Variants in COL4A5 observed in about 807,000 individuals in gnomAD.
The protein encoded by COL4A5 is collagen alpha-5(IV) chain.
In COL4A5, 26 loss-of-function variants were observed where a neutral mutation model predicts 130.2. The ratio of observed to expected loss-of-function variants is 0.20; its 90% confidence interval spans 0.15 to 0.28. COL4A5 has a LOEUF of 0.28. COL4A5 is among the 10% of genes least tolerant of loss of function. COL4A5 has a pLI of 1.00. For synonymous variants in COL4A5, 496 were observed against 439.6 expected (o/e 1.13, Z -1.60); for missense variants, 1,131 against 1,344.3 (o/e 0.84, Z 2.48).
intron 36 of COL4A5, among the ~76,000 whole-genome samples, chrX:108,649,724 G>C (rs1385901976): frequency 9.0e-6 from 1 of 111,525 alleles, no homozygotes. Flanking sequence ...AATGAAACTG[G>C]ATTCTCATCT....
chrX:108,473,193 T>C (rs951953798), intron 1 of COL4A5, among the ~76,000 whole-genome samples: 12 of 111,922 alleles, frequency 1.1e-4, no homozygotes, highest in Admixed American at 1.9e-4. Context: ...GTATGTAATA[T>C]AATAAGTCAC....
In COL4A5 at chrX:108,692,810, A is replaced by G; in HGVS notation, c.4591A>G (p.Asn1531Asp). 1.7e-6 allele frequency: 2 copies of G among 1,210,503 alleles called. No individual in the cohort carries two copies. Among genetic ancestry groups the G allele is most frequent in the Non-Finnish European group, 2.2e-6 (2 of 894,660 alleles). The change falls in exon 50 of 53, where the codon AAT (asparagine) becomes GAT (aspartate). Residue 1531 changes from asparagine (N) to aspartate (D), a missense_variant. Physicochemically the swap from Asn to Asp is conservative, Grantham distance 23 (BLOSUM62 1). Coordinates refer to ENST00000328300, the MANE Select transcript of COL4A5 (RefSeq NM_033380.3). ...GCCTTTCATGTTCTGCAACATCAAT[A>G]ATGTTTGCAACTTTGCTTCAAGAAA... ...TMPFMFCNIN[N>D]VCNFASRNDY...
chrX:108,685,063 C>G (rs770689683), intron 47 of COL4A5, among the ~76,000 whole-genome samples: 25 of 111,952 alleles, frequency 2.2e-4, no homozygotes, highest in Admixed American at 8.5e-4. Flanking sequence ...GCCCTTCATG[C>G]TAAAAACTCT....
intron 37 of COL4A5, among the ~76,000 whole-genome samples, chrX:108,663,874 C>A (rs1052737293): frequency 3.5e-4 from 39 of 111,624 alleles, no homozygotes; most frequent in African/African-American, 1.2e-3. Context: ...ATGAAAGGGA[C>A]ATAGAATATC....
At chrX:108,695,935 A>G (rs928191274) in intron 52 of COL4A5, 10 of 225,552 alleles carry the variant, frequency 4.4e-5, no homozygotes, top group African/African-American at 2.6e-4. Flanking sequence ...GGTTATCACT[A>G]CTTGGTATTT....
intron 1 of COL4A5, among the ~76,000 whole-genome samples, chrX:108,452,798 G>C (rs12688997): frequency 0.1 from 11,526 of 110,955 alleles, 1,297 homozygotes; most frequent in African/African-American, 0.34. Context: ...TCGTCTTTTC[G>C]TAACTGAATA....
intron 36 of COL4A5, chrX:108,626,654 T>G: frequency 9.8e-7 from 1 of 1,020,717 alleles, no homozygotes. Flanking sequence ...CCCTTTTTAG[T>G]GATGGAGTTG....
At chrX:108,609,846 G>T (rs1352824003) in intron 29 of COL4A5, among the ~76,000 whole-genome samples, 1 of 109,836 alleles carries the variant, frequency 9.1e-6, no homozygotes, top group Non-Finnish European at 1.9e-5. Flanking sequence ...ATCTACTTCT[G>T]TGCTGTCAAT....
rs768853174 is a variant in COL4A5, at chrX:108,444,313, G to A, written c.81+4107G>A. Among the ~76,000 whole-genome samples, 478 of 108,175 alleles carry A rather than the reference G, an allele frequency of 4.4e-3. 5 individuals are homozygous for A. The highest frequency in any genetic ancestry group is 0.015 in the African/African-American group (443 of 29,706). 93.9% of individuals were successfully genotyped at this position (108,175 alleles called of 115,157 possible). A position where few individuals can be genotyped will look rare whatever the true frequency, so the allele number is the denominator to read the frequency against. On this transcript the variant is annotated intron_variant, in intron 1 of 52. Coordinates refer to ENST00000328300, the MANE Select transcript of COL4A5 (RefSeq NM_033380.3). The stretch of plus-strand genomic sequence containing the variant: ...CGGCTCACTGCAAGCTCTGCCTCCC[G>A]GGTTCACACCATTCTCCTGCCTCAG...
chrX:108,574,519 T>A (rs1340624620), intron 9 of COL4A5, among the ~76,000 whole-genome samples: 1 of 111,937 alleles, frequency 8.9e-6, no homozygotes, highest in African/African-American at 3.2e-5. Flanking sequence ...CAAATCCTTC[T>A]GCATTCCCCC....
chrX:108,622,191 C>T (rs1014170090), intron 32 of COL4A5, among the ~76,000 whole-genome samples: 5 of 112,299 alleles, frequency 4.5e-5, no homozygotes, highest in Non-Finnish European at 9.4e-5. Flanking sequence ...TGCAATGGTG[C>T]GATCTCAGCT....
chrX:108,538,993 T>C (rs2065495194), intron 1 of COL4A5, among the ~76,000 whole-genome samples: 2 of 111,402 alleles, frequency 1.8e-5, no homozygotes, highest in Admixed American at 1.9e-4. Flanking sequence ...TGAGCTATTA[T>C]TAGTGATGAA....
chrX:108,695,864 T>C, intron 52 of COL4A5: 1 of 220,633 alleles, frequency 4.5e-6, no homozygotes, highest in Non-Finnish European at 8.2e-6. Flanking sequence ...TGTATGTACC[T>C]CAGGATACTT....
chrX:108,688,965 A>G (rs908915654), intron 49 of COL4A5, among the ~76,000 whole-genome samples: 6 of 111,776 alleles, frequency 5.4e-5, no homozygotes, highest in African/African-American at 1.3e-4. Context: ...CCACCAGGGT[A>G]AGGATATTCA....
chrX:108,577,372 C>CAAA (rs746311921), intron 10 of COL4A5, among the ~76,000 whole-genome samples: 9 of 29,881 alleles, frequency 3.0e-4, no homozygotes, highest in Non-Finnish European at 3.7e-4. Context: ...AACTCCTTCT[C>CAAA]AAAAAAAAAA....
At chrX:108,677,466 A>T (rs1457125654) in intron 43 of COL4A5, 34 bp from the exon 44 acceptor site, 1 of 1,196,999 alleles carries the variant, frequency 8.4e-7, no homozygotes. Flanking sequence ...TTAACACTAT[A>T]CTGAAATGTC....
intron 37 of COL4A5, among the ~76,000 whole-genome samples, chrX:108,658,667 T>C (rs1383690409): frequency 9.0e-6 from 1 of 111,697 alleles, no homozygotes; most frequent in Non-Finnish European, 1.9e-5. Flanking sequence ...GACCATTTCA[T>C]CTAAATTGTC....
At chrX:108,461,055 T>C (rs750928524) in intron 1 of COL4A5, among the ~76,000 whole-genome samples, 2 of 110,758 alleles carry the variant, frequency 1.8e-5, no homozygotes, top group Non-Finnish European at 3.8e-5. Flanking sequence ...GTGTATACTA[T>C]ATAATGGGAA....
chrX:108,522,049 A>T (rs2065270087), intron 1 of COL4A5, among the ~76,000 whole-genome samples: 2 of 111,015 alleles, frequency 1.8e-5, no homozygotes, highest in South Asian at 7.7e-4. Context: ...ATAGAAGTAA[A>T]ATCATGCAAC....
Sources: allele counts gnomAD v4.1 joint callset (sites outside exome capture counted in the v4.1 genomes callset), GRCh38; gene constraint gnomAD v4.1.1; transcripts MANE v1.5; gene names NCBI Gene and HGNC (gene_info 2026-07-23, HGNC 2026-07-21).